Variants in KCNH1 observed in about 807,000 individuals in gnomAD.
The protein encoded by KCNH1 is voltage-gated delayed rectifier potassium channel KCNH1.
A neutral mutation model predicts 69.2 loss-of-function variants in KCNH1; 27 were observed. That is an observed-to-expected ratio of 0.39 (90% CI 0.29 to 0.54). KCNH1 has a LOEUF of 0.54. Among genes scored for constraint, KCNH1 ranks in the 20% least tolerant of loss-of-function variants. KCNH1 has a pLI of 0.68. For missense variants in KCNH1, 798 were observed against 1,261.6 expected, an observed-to-expected ratio of 0.63 and a Z score of 5.57; for synonymous variants, 456 against 487.7, an observed-to-expected ratio of 0.93 and a Z score of 0.86.
At chr1:210,783,405 C>T (rs1449573640) in intron 9 of KCNH1, among the ~76,000 whole-genome samples, 3 of 152,130 alleles carry the variant, frequency 2.0e-5, no homozygotes, top group Non-Finnish European at 4.4e-5. Flanking sequence ...CAGCTGTTTC[C>T]CCCAAATCAA....
At chr1:210,688,272 C>G (rs1402722937) in intron 10 of KCNH1, among the ~76,000 whole-genome samples, 1 of 152,194 alleles carries the variant, frequency 6.6e-6, no homozygotes, top group Non-Finnish European at 1.5e-5. Context: ...GTGTATAGCC[C>G]TAACAGATGG....
chr1:210,837,018 C>T (rs190751127), intron 7 of KCNH1, among the ~76,000 whole-genome samples: 12 of 152,326 alleles, frequency 7.9e-5, no homozygotes, highest in African/African-American at 2.6e-4. Flanking sequence ...CAGAAGTCAG[C>T]AGTGCTTACC....
Position 210,806,825 on chromosome 1 carries a change from AAAAAAAAAAAAATATAT to A in KCNH1, c.1463-2676_1463-2660del, listed in dbSNP as rs1450043222. 6.7e-5 allele frequency among the ~76,000 whole-genome samples: 4 copies of A among 60,038 alleles called. 1 individual carries two copies. Among genetic ancestry groups the A allele is most frequent in the Non-Finnish European group, 1.3e-4 (4 of 30,136 alleles). The allele number at this position is 60,038 out of a possible 152,430, so 39.4% of individuals were successfully genotyped here. Reference sequence around the variant, plus strand: ...TCTCTACCAAAAAAAAAAAAAAAAAAAAAAAAAAAAAATATATATATATATATATAAATTTGCCGGGC... The same window carrying A: ...TCTCTACCAAAAAAAAAAAAAAAAAAATATATATATATAAATTTGCCGGGC... On this transcript the variant is annotated intron_variant, in intron 7 of 10. Transcript: ENST00000271751.
chr1:210,694,555 G>A (rs900133439), intron 10 of KCNH1, among the ~76,000 whole-genome samples: 6 of 152,202 alleles, frequency 3.9e-5, no homozygotes, highest in Non-Finnish European at 8.8e-5. Flanking sequence ...AGGTGGGGAA[G>A]AAACTCTCAG....
At chr1:210,861,954 A>G (rs1685987731) in intron 7 of KCNH1, 1 of 758,070 alleles carries the variant, frequency 1.3e-6, no homozygotes, top group Admixed American at 1.8e-5. Context: ...GAATGCATGT[A>G]GTAAGCTGTA....
intron 5 of KCNH1, among the ~76,000 whole-genome samples, chr1:211,059,011 T>C (rs1376484437): frequency 6.6e-6 from 1 of 152,178 alleles, no homozygotes; most frequent in Non-Finnish European, 1.5e-5. Context: ...CCAGGTGCGG[T>C]GGCTCACGCC....
chr1:211,065,437 A>G (rs1690512433), intron 5 of KCNH1, among the ~76,000 whole-genome samples: 1 of 152,190 alleles, frequency 6.6e-6, no homozygotes. Flanking sequence ...AAAAAAGTTG[A>G]ATAGAAGTAG....
At chr1:210,902,976 A>G (rs1371871869) in intron 7 of KCNH1, among the ~76,000 whole-genome samples, 3 of 152,168 alleles carry the variant, frequency 2.0e-5, no homozygotes, top group African/African-American at 7.2e-5. Context: ...GATCCCTTCA[A>G]AAGTAGCCCC....
intron 7 of KCNH1, among the ~76,000 whole-genome samples, chr1:210,900,986 C>T (rs976005281): frequency 3.3e-5 from 5 of 152,100 alleles, no homozygotes; most frequent in Admixed American, 6.5e-5. Flanking sequence ...TCTAATAGTA[C>T]ATATTCAATT....
chr1:211,077,574 C>T (rs1211933954), intron 5 of KCNH1, among the ~76,000 whole-genome samples: 1 of 152,126 alleles, frequency 6.6e-6, no homozygotes, highest in Admixed American at 6.5e-5. Context: ...ATTTTGTCAC[C>T]ACCAGGCCTG....
At position 210,857,039 on chromosome 1, in the gene KCNH1, G is replaced by C. The variant is rs544523510; in HGVS notation, c.1463-52873C>G. 1.4e-4 allele frequency among the ~76,000 whole-genome samples: 21 copies of C among 151,372 alleles called. No homozygotes were observed. In the South Asian group the frequency reaches 4.2e-3, roughly 30 times the overall value. On this transcript the variant is annotated intron_variant, in intron 7 of 10. Coordinates refer to ENST00000271751, the MANE Select transcript of KCNH1 (RefSeq NM_172362.3). ...TGACGCTCTAGCTTAGAGCCTTTCT[G>C]GGGGCTTGTAAGAAATACAAAGCCA...
intron 7 of KCNH1, among the ~76,000 whole-genome samples, chr1:210,834,742 T>C (rs1408013609): frequency 6.7e-6 from 1 of 148,892 alleles, no homozygotes; most frequent in African/African-American, 2.5e-5. Context: ...TATTAAGAGG[T>C]AGGGCCTTTG....
chr1:210,870,604 C>T (rs527485301), intron 7 of KCNH1, among the ~76,000 whole-genome samples: 84 of 152,296 alleles, frequency 5.5e-4, no homozygotes, highest in Non-Finnish European at 1.1e-3. Context: ...CTTGTCCCAG[C>T]ATCTTATTTG....
chr1:210,807,318 A>G (rs1684604833), intron 7 of KCNH1, among the ~76,000 whole-genome samples: 1 of 152,054 alleles, frequency 6.6e-6, no homozygotes, highest in South Asian at 2.1e-4. Context: ...TAAGAATGTT[A>G]TAAAAGCCAG....
intron 7 of KCNH1, among the ~76,000 whole-genome samples, chr1:210,887,281 T>A (rs1490120289): frequency 6.6e-6 from 1 of 152,176 alleles, no homozygotes; most frequent in Non-Finnish European, 1.5e-5. Flanking sequence ...CAGAATTTCA[T>A]ATCTAGCCAA....
At chr1:210,728,065 A>C (rs1295047522) in intron 10 of KCNH1, among the ~76,000 whole-genome samples, 2 of 152,242 alleles carry the variant, frequency 1.3e-5, no homozygotes. Flanking sequence ...CCTAGGGAAC[A>C]TCAAATATCT....
intron 6 of KCNH1, among the ~76,000 whole-genome samples, chr1:210,972,567 T>A (rs976124259): frequency 6.6e-6 from 1 of 152,152 alleles, no homozygotes; most frequent in Non-Finnish European, 1.5e-5. Context: ...GTTCGTTTTC[T>A]GATGAAGACA....
intron 1 of KCNH1, among the ~76,000 whole-genome samples, chr1:211,113,408 T>C (rs1284351587): frequency 6.6e-6 from 1 of 152,214 alleles, no homozygotes; most frequent in East Asian, 1.9e-4. Context: ...TTGATGTGAG[T>C]AGAAGTCATT....
chr1:210,961,580 C>T (rs1688293766), intron 6 of KCNH1, among the ~76,000 whole-genome samples: 1 of 152,118 alleles, frequency 6.6e-6, no homozygotes, highest in Non-Finnish European at 1.5e-5. Context: ...GTGGCTCGAG[C>T]CTGTAATCCC....
Sources: allele counts gnomAD v4.1 joint callset (sites outside exome capture counted in the v4.1 genomes callset), GRCh38; gene constraint gnomAD v4.1.1; transcripts MANE v1.5; gene names NCBI Gene and HGNC (gene_info 2026-07-23, HGNC 2026-07-21).